Variants in AP3B2 observed in about 807,000 individuals in gnomAD.
AP3B2 encodes adaptor related protein complex 3 subunit beta 2.
In AP3B2, 50 loss-of-function variants were observed where a neutral mutation model predicts 126.9. That is an observed-to-expected ratio of 0.39 (90% confidence interval 0.31 to 0.50). The LOEUF (loss-of-function observed/expected upper bound fraction) is 0.50, where lower values mean the gene tolerates loss of function less well. Ranked by LOEUF, AP3B2 falls within the 20% of genes least tolerant of loss-of-function variation. AP3B2 has a pLI of 0.79. For missense variants in AP3B2, 1,177 were observed against 1,426.4 expected (o/e 0.83, Z 2.82); for synonymous variants, 541 against 565.0 (o/e 0.96, Z 0.60).
chr15:82,679,893 G>T, intron 9 of AP3B2, 93 bp from the exon 10 acceptor site: 1 of 1,216,216 alleles, frequency 8.2e-7, no homozygotes, highest in South Asian at 1.3e-5. Context: ...CCAGCGCCCA[G>T]GATCCTTGCC....
chr15:82,677,935 A>G, intron 11 of AP3B2, 132 bp from the exon 12 acceptor site: 1 of 1,350,764 alleles, frequency 7.4e-7, no homozygotes. Context: ...TGACAACTCC[A>G]CCCCCAATCC....
intron 14 of AP3B2, among the ~76,000 whole-genome samples, chr15:82,669,817 C>G (rs1419125412): frequency 6.6e-6 from 1 of 151,018 alleles, no homozygotes; most frequent in East Asian, 2.0e-4. Context: ...GTCTGACCAA[C>G]ATGGAGAAAC....
At chr15:82,690,969 C>CTGGGATTACAGGCATGAGCCACA (rs2048521549) in intron 1 of AP3B2, among the ~76,000 whole-genome samples, 1 of 90,428 alleles carries the variant, frequency 1.1e-5, no homozygotes. Context: ...CATGAGCCAC[C>CTGGGATTACAGGCATGAGCCACA]GCACCCAGCC....
chr15:82,677,482 TC>T (rs1438712338), intron 12 of AP3B2, 99 bp from the exon 13 acceptor site: 2 of 1,390,884 alleles, frequency 1.4e-6, no homozygotes, highest in African/African-American at 2.9e-5. Context: ...TGGCTCTTTC[TC>T]TCAACCCCCT....
chr15:82,680,337 A>T lies in AP3B2; in HGVS notation c.1056-108T>A. The T allele has an allele frequency of 6.5e-7, 1 of 1,541,548 alleles. No individual in the cohort carries two copies. Among genetic ancestry groups the T allele is most frequent in the African/African-American group, 1.4e-5 (1 of 73,650 alleles). On this transcript the variant is annotated intron_variant, in intron 8 of 26. Coordinates refer to ENST00000535359, the MANE Select transcript of AP3B2 (RefSeq NM_001278512.2). The surrounding 1 kb of genome is among the most constrained non-coding windows in gnomAD (Gnocchi z 6.1). Reference sequence around the variant, plus strand: ...CGTTGCGGGGAGAGGACCAGTGCGGAGGGCAGGACTACGGTCAGTGTGGAG... The same window carrying T: ...CGTTGCGGGGAGAGGACCAGTGCGGTGGGCAGGACTACGGTCAGTGTGGAG...
At position 82,664,006 on chromosome 15, in the gene AP3B2, T is replaced by C; in HGVS notation, c.2262-31A>G. The C allele has an allele frequency of 6.3e-7, 1 of 1,585,230 alleles. No individual in the cohort carries two copies. ...GGAGTGGGAAAGGTTGGCTCAGGCC[T>C]GGCCTGGACACTCCCTCCTTGCTTC... On this transcript the variant is annotated intron_variant, in intron 19 of 26. Transcript: ENST00000535359. The surrounding 1 kb of genome is among the most constrained non-coding windows in gnomAD (Gnocchi z 4.5).
At position 82,680,242 on chromosome 15, in the gene AP3B2, CG is replaced by C. The variant is rs972901995; in HGVS notation, c.1056-14del. 1.9e-6 allele frequency: 3 copies of C among 1,613,360 alleles called. No homozygotes were observed. Among genetic ancestry groups the C allele is most frequent in the Non-Finnish European group, 2.5e-6 (3 of 1,179,784 alleles). ...GTACTGCACCTCACTGCGGAGAGGA[CG>C]GGTCAGAGCACCCCGGGCCCCTCGG... On this transcript the variant is annotated splice_polypyrimidine_tract_variant and intron_variant, in intron 8 of 26. Coordinates refer to ENST00000535359, the MANE Select transcript of AP3B2 (RefSeq NM_001278512.2). The surrounding 1 kb of genome is among the most constrained non-coding windows in gnomAD (Gnocchi z 6.1).
At position 82,663,839 on chromosome 15, in the gene AP3B2, C is replaced by T. The variant is rs771428357; in HGVS notation, c.2398G>A (p.Glu800Lys). Residue 800 changes from glutamate to lysine, a missense_variant, in exon 20 of 27, where the codon GAG becomes AAG. Glu to Lys is a moderately conservative substitution (Grantham distance 56). Around this residue, in one of 5 missense-constraint regions of AP3B2, gnomAD observed 587 missense variants for 571.3 expected, o/e 1.03. Coordinates refer to ENST00000535359, the MANE Select transcript of AP3B2 (RefSeq NM_001278512.2). ...SESEMTSESE[E>K]EQLEPASWSR... ...CAGGAGGCAGGTTCTAACTGCTCCT[C>T]CTCGGACTCCGATGTCATCTCGGAC... 16 of 1,613,786 alleles carry T rather than the reference C, an allele frequency of 9.9e-6. No individual in the cohort carries two copies. The highest frequency in any genetic ancestry group is 1.6e-4 in the Middle Eastern group (1 of 6,084).
intron 1 of AP3B2, among the ~76,000 whole-genome samples, chr15:82,697,190 C>T (rs936837314): frequency 2.6e-5 from 4 of 152,014 alleles, no homozygotes; most frequent in African/African-American, 9.7e-5. Context: ...AAAAATTAGC[C>T]GGGTGTGGTG....
At chr15:82,685,275 C>T (rs972469986) in intron 4 of AP3B2, 1 of 152,122 alleles carries the variant, frequency 6.6e-6, no homozygotes, top group Non-Finnish European at 1.5e-5. Flanking sequence ...GGAAAAATGG[C>T]ACTGATAGAC....
chr15:82,682,924 CA>C (rs35153505), intron 4 of AP3B2, among the ~76,000 whole-genome samples: 70,757 of 134,210 alleles, frequency 0.53, 17,598 homozygotes, highest in Admixed American at 0.6. Flanking sequence ...CCAGTCTCTA[CA>C]AAAAAAAAAA....
intron 1 of AP3B2, among the ~76,000 whole-genome samples, chr15:82,690,920 T>TGCTGGGATTACAGGCATGAGCCAC (rs71156044): frequency 0.26 from 38,780 of 148,176 alleles, 5,351 homozygotes; most frequent in East Asian, 0.32. Flanking sequence ...CCTCCCAAAG[T>TGCTGGGATTACAGGCATGAGCCAC]GCTGGGATTA....
rs776698099 is a variant in AP3B2 at position 82,680,125 on chromosome 15, C to T, written c.1110+50G>A. The T allele has an allele frequency of 2.5e-6, 4 of 1,609,900 alleles. No homozygotes were observed. Among genetic ancestry groups the T allele is most frequent in the South Asian group, 2.2e-5 (2 of 90,834 alleles). ...CAGCCCCGACAACGCCTCCAGTGCC[C>T]GCAGAAGCGGCCCTCGGACAGCGAG... On this transcript the variant is annotated intron_variant, in intron 9 of 26. Transcript: ENST00000535359. This position sits in a 1 kb window ranked among gnomAD's most constrained non-coding sequence, Gnocchi z 6.1.
At position 82,689,414 on chromosome 15, in the gene AP3B2, A is replaced by G. The variant is rs1418140612; in HGVS notation, c.153T>C (p.Asp51=). The G allele has an allele frequency of 1.2e-6, 2 of 1,613,740 alleles. No individual in the cohort carries two copies. Among genetic ancestry groups the G allele is most frequent in the Non-Finnish European group, 8.5e-7 (1 of 1,179,884 alleles). Reference sequence around the variant, plus strand: ...TCTTCATGGCCTCCAGCTTGAGAGAATCCTTGTTGGTGTCCAGCATCTCCT... The same window carrying G: ...TCTTCATGGCCTCCAGCTTGAGAGAGTCCTTGTTGGTGTCCAGCATCTCCT... ...DLKEMLDTNK[D]SLKLEAMKRI... The change falls in exon 2 of 27, where the codon GAT becomes GAC. Residue 51 remains aspartate, a synonymous_variant. Transcript: ENST00000535359.
Position 82,709,849 on chromosome 15 carries a change from G to A in AP3B2, c.-143C>T. 4 of 549,844 alleles carry A rather than the reference G, an allele frequency of 7.3e-6. No individual in the cohort carries two copies. The highest frequency in any genetic ancestry group is 8.7e-6 in the Non-Finnish European group (3 of 345,466). The allele number at this position is 549,844 out of a possible 1,614,324, so 34.1% of individuals were successfully genotyped here. ...GGTTCAGCAGAGGCTGCAGTGTGCA[G>A]CGGCGGAGGCTGCGCGCGGATTTCT... On this transcript the variant is annotated 5_prime_UTR_variant, in exon 1 of 27. Coordinates refer to ENST00000535359, the MANE Select transcript of AP3B2 (RefSeq NM_001278512.2).
chr15:82,692,972 A>T (rs1291263020), intron 1 of AP3B2, among the ~76,000 whole-genome samples: 1 of 152,122 alleles, frequency 6.6e-6, no homozygotes, highest in Non-Finnish European at 1.5e-5. Context: ...CATCTGGAAA[A>T]AAAAAATCAG....
In AP3B2 at chr15:82,681,156, G is replaced by C. The variant is rs753517676; in HGVS notation, c.544C>G (p.Gln182Glu). The part of the protein sequence containing the change: ...LYSLDSDQKD[Q>E]LIEVIEKLLA... ...AGCTTCTCAATGACTTCTATCAGCT[G>C]ATCCTTCTGGTCAGAGTCCAAACTG... The change falls in exon 6 of 27, where the codon CAG becomes GAG. Residue 182 changes from glutamine (Q) to glutamate (E), a missense_variant. Coordinates refer to ENST00000535359, the MANE Select transcript of AP3B2 (RefSeq NM_001278512.2). This position sits in a 1 kb window ranked among gnomAD's most constrained non-coding sequence, Gnocchi z 4.0. The C allele has an allele frequency of 1.2e-6, 2 of 1,612,606 alleles. No individual in the cohort carries two copies. The highest frequency in any genetic ancestry group is 3.3e-5 in the Admixed American group (2 of 59,768).
At chr15:82,685,369 G>A (rs1046096249) in intron 4 of AP3B2, 1 of 152,156 alleles carries the variant, frequency 6.6e-6, no homozygotes, top group African/African-American at 2.4e-5. Flanking sequence ...ATACAATGAG[G>A]TGTGCCTGTA....
chr15:82,680,469 C>A lies in AP3B2; in HGVS notation c.1055+3G>T, dbSNP rs1394509237. On this transcript the variant is annotated splice_donor_region_variant and intron_variant, in intron 8 of 26. Transcript: ENST00000535359. The surrounding 1 kb of genome is among the most constrained non-coding windows in gnomAD (Gnocchi z 6.1). ...AGGGGGCGGGGCTGGGGGCGGAGCG[C>A]ACCTGTGGCTGCGCAGCAGGCGCAC... 2.0e-6 allele frequency: 3 copies of A among 1,494,270 alleles called. No individual in the cohort carries two copies. Among genetic ancestry groups the A allele is most frequent in the Non-Finnish European group, 2.7e-6 (3 of 1,124,794 alleles). The allele number at this position is 1,494,270 out of a possible 1,614,324, so 92.6% of individuals were successfully genotyped here. A position where few individuals can be genotyped will look rare whatever the true frequency, so the allele number is the denominator to read the frequency against.
Sources: allele counts gnomAD v4.1 joint callset (sites outside exome capture counted in the v4.1 genomes callset), GRCh38; gene constraint gnomAD v4.1.1; regional missense constraint gnomAD v4.1.1; non-coding constraint Gnocchi (gnomAD v3.1); transcripts MANE v1.5; gene names NCBI Gene and HGNC (gene_info 2026-07-23, HGNC 2026-07-21).